Variants in RNF144A observed in about 807,000 individuals in gnomAD.
RNF144A encodes E3 ubiquitin-protein ligase RNF144A.
RNF144A carries 11 observed loss-of-function variants against 38.7 expected under a neutral mutation model. The ratio of observed to expected loss-of-function variants is 0.28; its 90% CI spans 0.18 to 0.47. RNF144A has a LOEUF of 0.47. Ranked by LOEUF, RNF144A falls within the 20% of genes least tolerant of loss-of-function variation. The pLI, the probability that RNF144A is intolerant of heterozygous loss-of-function variation, is 0.99. For missense variants in RNF144A, 316 were observed against 377.2 expected, an observed-to-expected ratio of 0.84 and a Z score of 1.34; for synonymous variants, 149 against 143.9, an observed-to-expected ratio of 1.04 and a Z score of -0.25.
At chr2:7,030,062 G>A (rs1038009516) in intron 7 of RNF144A, 64 bp from the exon 8 acceptor site, 13 of 1,112,648 alleles carry the variant, frequency 1.2e-5, no homozygotes, top group Non-Finnish European at 1.8e-5. Flanking sequence ...ATCAATGGCT[G>A]TGATACTCAC....
At chr2:7,056,992 C>G (rs1673766557) in intron 6 of RNF144A, among the ~76,000 whole-genome samples, 1 of 152,186 alleles carries the variant, frequency 6.6e-6, no homozygotes, top group Non-Finnish European at 1.5e-5. Flanking sequence ...ACGTTCCTTG[C>G]CAGGGTCTGC....
chr2:7,069,526 C>T (rs940112591), downstream of RNF144A, among the ~76,000 whole-genome samples: 1 of 152,132 alleles, frequency 6.6e-6, no homozygotes, highest in African/African-American at 2.4e-5. Context: ...ATTTCTGTAT[C>T]ACTTGCTCCC....
intron 2 of RNF144A, among the ~76,000 whole-genome samples, chr2:6,984,871 A>G (rs1316170263): frequency 3.3e-5 from 5 of 152,142 alleles, no homozygotes; most frequent in Non-Finnish European, 2.9e-5. Context: ...TAGAGCATGC[A>G]TGGGGTCCAC....
chr2:7,037,489 G>A (rs920998976), intron 8 of RNF144A, among the ~76,000 whole-genome samples: 5 of 152,220 alleles, frequency 3.3e-5, no homozygotes, highest in African/African-American at 4.8e-5. Flanking sequence ...GCATATCAGC[G>A]TGCACGTGAT....
chr2:6,936,203 C>T (rs963480685), intron 1 of RNF144A, among the ~76,000 whole-genome samples: 10 of 152,184 alleles, frequency 6.6e-5, no homozygotes, highest in African/African-American at 1.4e-4. Flanking sequence ...TAAAATATCA[C>T]GTCTTCAGAG....
intron 2 of RNF144A, among the ~76,000 whole-genome samples, chr2:6,945,942 A>AT (rs2103305696): frequency 6.6e-6 from 1 of 152,252 alleles, no homozygotes; most frequent in South Asian, 2.1e-4. Context: ...GAGTCTGAAG[A>AT]TTTGCCATCA....
Position 6,943,520 on chromosome 2 carries a change from G to C in RNF144A, c.-12+2373G>C, listed in dbSNP as rs1338408064. ...AGCTTAGGAGAATTATTTTTCAGTT[G>C]GAAGCATTATCAGCATGTTTAGATG... On this transcript the variant is annotated intron_variant, in intron 2 of 8. Transcript: ENST00000320892. The surrounding 1 kb of genome is among the most constrained non-coding windows in gnomAD (Gnocchi z 4.3). Among the ~76,000 whole-genome samples, 1 of 152,180 alleles carries C rather than the reference G, an allele frequency of 6.6e-6. No individual in the cohort carries two copies. Among genetic ancestry groups the C allele is most frequent in the Non-Finnish European group, 1.5e-5 (1 of 68,028 alleles).
chr2:7,074,594 T>C, the RNF144A span: 1 of 152,210 alleles, frequency 6.6e-6, no homozygotes, highest in Non-Finnish European at 1.5e-5. Context: ...CTCCTCTTTA[T>C]TGTATAAAGA....
intron 8 of RNF144A, among the ~76,000 whole-genome samples, chr2:7,036,880 C>T (rs989380278): frequency 1.3e-5 from 2 of 152,164 alleles, no homozygotes; most frequent in Non-Finnish European, 2.9e-5. Flanking sequence ...TCCCATAAAC[C>T]TGGGTCGGAC....
At chr2:7,071,125 A>G (rs13418416), downstream of RNF144A, among the ~76,000 whole-genome samples, 46,195 of 151,738 alleles carry the variant, frequency 0.3, 7,779 homozygotes, top group East Asian at 0.49. Context: ...TAGTAGAGAC[A>G]GAGTTTCACC....
At chr2:7,017,058 G>A (rs1417796755) in intron 5 of RNF144A, among the ~76,000 whole-genome samples, 1 of 152,180 alleles carries the variant, frequency 6.6e-6, no homozygotes, top group Non-Finnish European at 1.5e-5. Context: ...GTCTGGGTAG[G>A]GACAGATTCT....
At chr2:6,977,139 T>C (rs1013671182) in intron 2 of RNF144A, among the ~76,000 whole-genome samples, 7 of 152,272 alleles carry the variant, frequency 4.6e-5, no homozygotes, top group African/African-American at 9.6e-5. Context: ...TATTGCTTTC[T>C]CTAAGACTAT....
At chr2:6,946,157 G>T (rs540231879) in intron 2 of RNF144A, among the ~76,000 whole-genome samples, 2 of 152,296 alleles carry the variant, frequency 1.3e-5, no homozygotes. Context: ...TAAACATACA[G>T]TTTCTTTTGA....
In RNF144A at chr2:7,042,372, T is replaced by A. The variant is rs1261938497; in HGVS notation, c.*2612T>A. ...ACTTATTCCTGTGAAGCGGCATAAT[T>A]TGTCTCCATTGAAAAATGGCATTCA... is the stretch of plus-strand genomic sequence containing the variant. On this transcript the variant is annotated 3_prime_UTR_variant, in exon 9 of 9. Transcript: ENST00000320892. The A allele has an allele frequency of 1.0e-6, 1 of 985,312 alleles. No homozygotes were observed. Among genetic ancestry groups the A allele is most frequent in the African/African-American group, 1.7e-5 (1 of 57,218 alleles). 61.0% of individuals were successfully genotyped at this position (985,312 alleles called of 1,614,324 possible). A position where few individuals can be genotyped will look rare whatever the true frequency, so the allele number is the denominator to read the frequency against.
intron 2 of RNF144A, among the ~76,000 whole-genome samples, chr2:6,947,872 T>C (rs1053346019): frequency 6.6e-6 from 1 of 152,194 alleles, no homozygotes; most frequent in Non-Finnish European, 1.5e-5. Context: ...TTGTTCATTA[T>C]ACAATGGGAA....
In RNF144A at chr2:6,997,060, T is replaced by G; in HGVS notation, c.134T>G (p.Leu45Arg). 1 of 1,614,024 alleles carries G rather than the reference T, an allele frequency of 6.2e-7. No individual in the cohort carries two copies. Among genetic ancestry groups the G allele is most frequent in the African/African-American group, 1.3e-5 (1 of 75,060 alleles). ...CAGTGCCAATGCATCTTCTGTACTC[T>G]GGTTGGTCTTTTTGGATAAAATATA... ...IAQCQCIFCT[L>R]CLKQYVELLI... The change falls in exon 3 of 9, where the codon CTG (leucine) becomes CGG (arginine). Residue 45 changes from leucine (L) to arginine (R), a missense_variant and splice_region_variant. Leu to Arg is a moderately radical substitution (Grantham distance 102). Transcript: ENST00000320892.
chr2:7,000,985 C>T (rs895384991), intron 3 of RNF144A, among the ~76,000 whole-genome samples: 7 of 151,706 alleles, frequency 4.6e-5, no homozygotes, highest in African/African-American at 1.2e-4. Flanking sequence ...GATATATAAC[C>T]GTAGAAAGTT....
chr2:6,964,816 G>A (rs187604476), intron 2 of RNF144A, among the ~76,000 whole-genome samples: 1 of 151,314 alleles, frequency 6.6e-6, no homozygotes, highest in Non-Finnish European at 1.5e-5. Flanking sequence ...TCTGGGGACT[G>A]TTGTGGGGTC....
intron 6 of RNF144A, among the ~76,000 whole-genome samples, chr2:7,064,309 G>A (rs995777226): frequency 2.0e-5 from 3 of 152,100 alleles, no homozygotes; most frequent in Non-Finnish European, 4.4e-5. Flanking sequence ...CTTTGAAGAT[G>A]TTTGAATGAT....
Sources: allele counts gnomAD v4.1 joint callset (sites outside exome capture counted in the v4.1 genomes callset), GRCh38; gene constraint gnomAD v4.1.1; non-coding constraint Gnocchi (gnomAD v3.1); transcripts MANE v1.5; gene names NCBI Gene and HGNC (gene_info 2026-07-23, HGNC 2026-07-21).